KAT6A: variants seen among roughly 807,000 people sequenced by gnomAD.
KAT6A encodes lysine acetyltransferase 6A, also known as histone acetyltransferase KAT6A.
In KAT6A, 9 loss-of-function variants were observed where a neutral mutation model predicts 198.4. That is an observed-to-expected ratio of 0.05 (90% CI 0.03 to 0.08). The LOEUF is 0.08. Among genes scored for constraint, KAT6A ranks in the 10% least tolerant of loss-of-function variants. The probability of loss-of-function intolerance (pLI) is 1.00; values close to 1 mark genes in which losing one functional copy is unlikely to be tolerated. For missense variants in KAT6A, 2,077 were observed against 2,509.9 expected (o/e 0.83, Z 3.69); for synonymous variants, 890 against 883.0 (o/e 1.01, Z -0.14).
At position 41,976,993 on chromosome 8, in the gene KAT6A, G is replaced by A. The variant is rs1446386923; in HGVS notation, c.1363+15C>T. 5 of 1,573,872 alleles carry A rather than the reference G, an allele frequency of 3.2e-6. No homozygotes were observed. The highest frequency in any genetic ancestry group is 4.3e-6 in the Non-Finnish European group (5 of 1,158,634). On this transcript the variant is annotated intron_variant, in intron 7 of 16. Coordinates refer to ENST00000265713, the MANE Select transcript of KAT6A (RefSeq NM_006766.5). ...CAGAATACTATTTGTTTCTAAGTCT[G>A]TTCTAAACTCTTACCTGTGGGCCAA...
intron 2 of KAT6A, among the ~76,000 whole-genome samples, chr8:41,999,819 C>CT (rs1218955248): frequency 2.6e-5 from 4 of 152,230 alleles, no homozygotes; most frequent in African/African-American, 9.6e-5. Context: ...TGTGGCATCA[C>CT]TTTAAGCAAG....
intron 2 of KAT6A, among the ~76,000 whole-genome samples, chr8:42,045,089 G>A (rs555397927): frequency 9.2e-5 from 14 of 152,250 alleles, no homozygotes; most frequent in African/African-American, 3.4e-4. Context: ...ATCTTTGGGG[G>A]AAGTCACACA....
chr8:42,029,216 CTCTG>C (rs1253809754), intron 2 of KAT6A, among the ~76,000 whole-genome samples: 1 of 152,162 alleles, frequency 6.6e-6, no homozygotes, highest in Non-Finnish European at 1.5e-5. Flanking sequence ...TTTTAGAATT[CTCTG>C]TCTTTGTGAC....
chr8:41,998,050 T>C (rs1825306472), intron 2 of KAT6A, among the ~76,000 whole-genome samples: 2 of 152,116 alleles, frequency 1.3e-5, no homozygotes, highest in South Asian at 4.1e-4. Flanking sequence ...TGTCAAAATA[T>C]AACCCAATAC....
At chr8:41,998,478 T>G (rs1825335580) in intron 2 of KAT6A, among the ~76,000 whole-genome samples, 1 of 152,186 alleles carries the variant, frequency 6.6e-6, no homozygotes, top group African/African-American at 2.4e-5. Flanking sequence ...TAGCCTTTGA[T>G]GAACTCATGC....
chr8:42,043,557 C>T (rs1827767197), intron 2 of KAT6A: 1 of 152,122 alleles, frequency 6.6e-6, no homozygotes, highest in Admixed American at 6.6e-5. Flanking sequence ...GTTCCTAACA[C>T]ATTCTTATCA....
chr8:42,022,103 A>T (rs1392131694), intron 2 of KAT6A, among the ~76,000 whole-genome samples: 1 of 152,200 alleles, frequency 6.6e-6, no homozygotes, highest in East Asian at 1.9e-4. Flanking sequence ...CAACACAGAC[A>T]ATCTTCTTTA....
intron 1 of KAT6A, among the ~76,000 whole-genome samples, chr8:42,050,167 C>T (rs972415700): frequency 6.6e-6 from 1 of 152,168 alleles, no homozygotes; most frequent in African/African-American, 2.4e-5. Flanking sequence ...ACACTGGCTA[C>T]TTGTAGGACT....
chr8:41,957,143 C>T (rs188375130), intron 8 of KAT6A: 2 of 600,410 alleles, frequency 3.3e-6, no homozygotes, highest in Non-Finnish European at 6.6e-6. Flanking sequence ...TATCCAGTTC[C>T]AGTACAGCTG....
In KAT6A at chr8:41,934,075, G is replaced by T. The variant is rs147446151; in HGVS notation, c.4145C>A (p.Thr1382Lys). Residue 1382 changes from threonine (T) to lysine (K), a missense_variant, in exon 17 of 17, where the codon ACG (threonine) becomes AAG (lysine). Coordinates refer to ENST00000265713, the MANE Select transcript of KAT6A (RefSeq NM_006766.5). ...DSEEEQPSHD[T>K]SVVSEQMAGS... Reference sequence around the variant, plus strand: ...AGCCATCTGCTCTGACACCACGGACGTGTCATGGGAAGGCTGCTCCTCTTC... The same window carrying T: ...AGCCATCTGCTCTGACACCACGGACTTGTCATGGGAAGGCTGCTCCTCTTC... 2.5e-6 allele frequency: 4 copies of T among 1,614,074 alleles called. No homozygotes were observed. Among genetic ancestry groups the T allele is most frequent in the Non-Finnish European group, 3.4e-6 (4 of 1,180,006 alleles).
At chr8:42,038,335 T>C (rs1827477272) in intron 2 of KAT6A, among the ~76,000 whole-genome samples, 1 of 152,244 alleles carries the variant, frequency 6.6e-6, no homozygotes, top group African/African-American at 2.4e-5. Flanking sequence ...AAGCAGTCTT[T>C]TCCCAAAAAG....
At chr8:41,950,516 C>T (rs1359430666) in intron 9 of KAT6A, among the ~76,000 whole-genome samples, 4 of 152,188 alleles carry the variant, frequency 2.6e-5, no homozygotes, top group Non-Finnish European at 4.4e-5. Context: ...AGTGAGCAAT[C>T]TTAACTTGTC....
intron 2 of KAT6A, among the ~76,000 whole-genome samples, chr8:42,032,330 C>T (rs1417989173): frequency 6.6e-6 from 1 of 151,924 alleles, no homozygotes; most frequent in Non-Finnish European, 1.5e-5. Flanking sequence ...TCTTTTGTAC[C>T]TATGTACAAA....
At chr8:41,980,460 C>T (rs1183016276) in intron 5 of KAT6A, among the ~76,000 whole-genome samples, 2 of 151,800 alleles carry the variant, frequency 1.3e-5, no homozygotes, top group Non-Finnish European at 2.9e-5. Flanking sequence ...GCTCTAGGGC[C>T]CTCAAAAGTG....
At chr8:41,991,140 AC>A (rs1339705249) in intron 2 of KAT6A, among the ~76,000 whole-genome samples, 1 of 152,028 alleles carries the variant, frequency 6.6e-6, no homozygotes, top group Non-Finnish European at 1.5e-5. Flanking sequence ...CAGCACTTCC[AC>A]TCCTAGCTAT....
intron 2 of KAT6A, among the ~76,000 whole-genome samples, chr8:42,036,706 G>A (rs1275069318): frequency 6.6e-6 from 1 of 152,164 alleles, no homozygotes; most frequent in Non-Finnish European, 1.5e-5. Flanking sequence ...GCCAAGCAAT[G>A]AGAACAGCAT....
intron 2 of KAT6A, among the ~76,000 whole-genome samples, chr8:41,996,157 A>C (rs1248898752): frequency 2.0e-5 from 3 of 152,202 alleles, no homozygotes; most frequent in Admixed American, 1.3e-4. Context: ...TCTAGTTAAG[A>C]CTGAATTGAA....
Position 41,929,745 on chromosome 8 carries a change from A to G in KAT6A, c.*2460T>C, listed in dbSNP as rs1821432755. The G allele has an allele frequency of 5.2e-6, 1 of 192,976 alleles. No individual in the cohort carries two copies. Among genetic ancestry groups the G allele is most frequent in the African/African-American group, 2.3e-5 (1 of 43,120 alleles). The allele number at this position is 192,976 out of a possible 1,614,324, so 12.0% of individuals were successfully genotyped here. ...ACAGGATAGACGTGGCTTCCTTTGTACATGCGGCTTTTAGAGGCATCTGGA... is the reference window on the plus strand; with the variant it reads ...ACAGGATAGACGTGGCTTCCTTTGTGCATGCGGCTTTTAGAGGCATCTGGA... On this transcript the variant is annotated 3_prime_UTR_variant, in exon 17 of 17. Coordinates refer to ENST00000265713, the MANE Select transcript of KAT6A (RefSeq NM_006766.5).
At chr8:41,953,913 TG>T (rs1478852522) in intron 9 of KAT6A, among the ~76,000 whole-genome samples, 1 of 152,206 alleles carries the variant, frequency 6.6e-6, no homozygotes, top group African/African-American at 2.4e-5. Context: ...ATAATATATA[TG>T]TATAATATGG....
Sources: gnomAD v4.1 joint callset for allele counts (sites outside exome capture counted in the v4.1 genomes callset) on GRCh38, gnomAD v4.1.1 for gene constraint, MANE v1.5 for transcripts, NCBI Gene and HGNC (gene_info 2026-07-23, HGNC 2026-07-21) for gene names.